Variants in SLC36A1 observed in about 807,000 individuals in gnomAD.
SLC36A1 encodes the protein solute carrier family 36 member 1.
SLC36A1 carries 30 observed loss-of-function variants against 47.5 expected under a neutral mutation model. The ratio of observed to expected loss-of-function variants is 0.63; its 90% confidence interval spans 0.47 to 0.86. SLC36A1 has a LOEUF of 0.86. Ranked by LOEUF, SLC36A1 falls within the 40% of genes least tolerant of loss-of-function variation. The pLI is 0.00. For missense variants in SLC36A1, 517 were observed against 606.0 expected (o/e 0.85, Z 1.54); for synonymous variants, 255 against 249.7 (o/e 1.02, Z -0.20).
At chr5:151,439,097 G>C (rs1158231044) in intron 1 of SLC36A1, among the ~76,000 whole-genome samples, 1 of 149,166 alleles carries the variant, frequency 6.7e-6, no homozygotes, top group Non-Finnish European at 1.5e-5. Context: ...GGGGAAGCAG[G>C]CACGTCTTAC....
chr5:151,344,701 G>A, the SLC36A1 span, among the ~76,000 whole-genome samples: 11 of 152,126 alleles, frequency 7.2e-5, no homozygotes. Flanking sequence ...CCCTACTTCT[G>A]CTGAGCTGCC....
At chr5:151,519,831 C>G in the SLC36A1 span, among the ~76,000 whole-genome samples, 114 of 152,112 alleles carry the variant, frequency 7.5e-4, no homozygotes, top group Non-Finnish European at 1.4e-3. Flanking sequence ...AATGCAAGCC[C>G]TTGCACCTGC....
At chr5:151,483,358 T>C (rs1407637388) in intron 10 of SLC36A1, among the ~76,000 whole-genome samples, 1 of 152,242 alleles carries the variant, frequency 6.6e-6, no homozygotes, top group Admixed American at 6.5e-5. Flanking sequence ...TGTTTTGTAA[T>C]ACTGTTGGAG....
At chr5:151,411,918 T>C in the SLC36A1 span, among the ~76,000 whole-genome samples, 1 of 144,824 alleles carries the variant, frequency 6.9e-6, no homozygotes, top group Admixed American at 6.8e-5. Flanking sequence ...TAGGAGAAAT[T>C]GTGACATGAA....
At chr5:151,502,726 T>A in the SLC36A1 span, among the ~76,000 whole-genome samples, 1 of 148,400 alleles carries the variant, frequency 6.7e-6, no homozygotes, top group Non-Finnish European at 1.5e-5. Flanking sequence ...GTTCAGCCAC[T>A]CTGGAAGACT....
At chr5:151,492,804 G>C (rs1760219579), downstream of SLC36A1, among the ~76,000 whole-genome samples, 1 of 152,172 alleles carries the variant, frequency 6.6e-6, no homozygotes, top group Non-Finnish European at 1.5e-5. Context: ...TCTCAATATT[G>C]TGGGTGGGCC....
the SLC36A1 span, among the ~76,000 whole-genome samples, chr5:151,422,989 C>T: frequency 6.6e-6 from 1 of 152,168 alleles, no homozygotes; most frequent in Non-Finnish European, 1.5e-5. Flanking sequence ...AAGACCTGAA[C>T]AGACACCTCA....
At chr5:151,544,826 TC>T in the SLC36A1 span, 1 of 1,614,200 alleles carries the variant, frequency 6.2e-7, no homozygotes, top group South Asian at 1.1e-5. Context: ...GCCCCATTTG[TC>T]CCCAAGTCCT....
At chr5:151,401,599 G>A in the SLC36A1 span, among the ~76,000 whole-genome samples, 3 of 152,268 alleles carry the variant, frequency 2.0e-5, no homozygotes, top group African/African-American at 7.2e-5. Flanking sequence ...CATTGAATCT[G>A]TATATTGCTT....
chr5:151,418,318 G>C, the SLC36A1 span, among the ~76,000 whole-genome samples: 6 of 152,204 alleles, frequency 3.9e-5, no homozygotes, highest in East Asian at 1.2e-3. Context: ...ATCCCAGAAT[G>C]GTAGATTAAT....
At chr5:151,518,019 T>C in the SLC36A1 span, among the ~76,000 whole-genome samples, 1 of 152,120 alleles carries the variant, frequency 6.6e-6, no homozygotes, top group African/African-American at 2.4e-5. Context: ...TCAAGAAATA[T>C]GAATTTAAAC....
the SLC36A1 span, chr5:151,347,481 G>A: frequency 5.0e-6 from 8 of 1,612,990 alleles, no homozygotes; most frequent in Non-Finnish European, 6.8e-6. Flanking sequence ...GAAACAAGGA[G>A]CTCGGGGTGA....
the SLC36A1 span, among the ~76,000 whole-genome samples, chr5:151,404,851 C>T: frequency 6.6e-6 from 1 of 152,254 alleles, no homozygotes; most frequent in Admixed American, 6.5e-5. Context: ...TTTTCTTTCT[C>T]ATTGACCTTG....
At chr5:151,485,792 T>C (rs1759435521) in intron 10 of SLC36A1, among the ~76,000 whole-genome samples, 1 of 152,228 alleles carries the variant, frequency 6.6e-6, no homozygotes, top group South Asian at 2.1e-4. Context: ...TCTGCAGTAA[T>C]GGAAATGAAT....
the SLC36A1 span, chr5:151,545,832 G>T: frequency 6.2e-7 from 1 of 1,614,054 alleles, no homozygotes. Context: ...CACTAATTTG[G>T]CCCACAAAAG....
the SLC36A1 span, among the ~76,000 whole-genome samples, chr5:151,412,902 T>C: frequency 1.4e-5 from 2 of 144,518 alleles, 1 homozygote; most frequent in Non-Finnish European, 3.1e-5. Context: ...CAAAATTCCC[T>C]TCTTAGTGAC....
At chr5:151,423,448 T>C in the SLC36A1 span, among the ~76,000 whole-genome samples, 1 of 152,232 alleles carries the variant, frequency 6.6e-6, no homozygotes, top group African/African-American at 2.4e-5. Flanking sequence ...TGGAGTATTA[T>C]TTAGCACTAA....
At chr5:151,367,714 T>C in the SLC36A1 span, among the ~76,000 whole-genome samples, 1 of 152,136 alleles carries the variant, frequency 6.6e-6, no homozygotes, top group Admixed American at 6.5e-5. Context: ...GCATAAAAAA[T>C]TATAAAAGTA....
intron 7 of SLC36A1, chr5:151,469,176 G>A: frequency 1.5e-6 from 1 of 672,758 alleles, no homozygotes; most frequent in Non-Finnish European, 2.7e-6. Flanking sequence ...AATACCTCTT[G>A]AATACCATGT....
Sources: gnomAD v4.1 joint callset for allele counts (sites outside exome capture counted in the v4.1 genomes callset) on GRCh38, gnomAD v4.1.1 for gene constraint, MANE v1.5 for transcripts, NCBI Gene and HGNC (gene_info 2026-07-23, HGNC 2026-07-21) for gene names.